RIT2: variants seen among roughly 807,000 people sequenced by gnomAD.
RIT2 encodes GTP-binding protein Rit2.
Under a neutral mutation model 23.7 loss-of-function variants are expected in RIT2, and 24 were observed. The ratio of observed to expected loss-of-function variants is 1.01; its 90% CI spans 0.73 to 1.43. The LOEUF (loss-of-function observed/expected upper bound fraction) is 1.43. Among genes scored for constraint, RIT2 ranks in the 40% most tolerant of loss-of-function variants. The pLI is 0.00. For missense variants in RIT2, 236 were observed against 266.9 expected, an observed-to-expected ratio of 0.88 and a Z score of 0.81; for synonymous variants, 107 against 91.1, an observed-to-expected ratio of 1.17 and a Z score of -0.99.
At chr18:43,092,614 A>G (rs1486160642) in intron 1 of RIT2, among the ~76,000 whole-genome samples, 1 of 152,070 alleles carries the variant, frequency 6.6e-6, no homozygotes, top group Non-Finnish European at 1.5e-5. Context: ...ATCAAAAACC[A>G]ATGTGATTAC....
At chr18:43,113,694 C>G (rs1406066124) in intron 1 of RIT2, among the ~76,000 whole-genome samples, 2 of 152,108 alleles carry the variant, frequency 1.3e-5, no homozygotes, top group African/African-American at 4.8e-5. Flanking sequence ...CTCCAAGTTT[C>G]ATTTAGGTGG....
At chr18:43,100,039 T>C (rs1301674116) in intron 1 of RIT2, among the ~76,000 whole-genome samples, 1 of 152,134 alleles carries the variant, frequency 6.6e-6, no homozygotes, top group Non-Finnish European at 1.5e-5. Flanking sequence ...ACAGATATTC[T>C]AGTGTTGGGG....
At chr18:42,816,011 T>G (rs1181934851) in intron 4 of RIT2, among the ~76,000 whole-genome samples, 3 of 152,142 alleles carry the variant, frequency 2.0e-5, no homozygotes, top group Non-Finnish European at 4.4e-5. Flanking sequence ...ACAGAAAGCA[T>G]GACAGCATAG....
intron 4 of RIT2, among the ~76,000 whole-genome samples, chr18:42,832,125 A>G (rs1157361329): frequency 6.6e-6 from 1 of 152,198 alleles, no homozygotes; most frequent in Non-Finnish European, 1.5e-5. Context: ...AATTTTACAA[A>G]ATAGGCTGAA....
At chr18:42,849,752 A>T (rs1370060614) in intron 4 of RIT2, among the ~76,000 whole-genome samples, 1 of 152,170 alleles carries the variant, frequency 6.6e-6, no homozygotes, top group African/African-American at 2.4e-5. Context: ...AAACAGAACA[A>T]TAATGTATGA....
At chr18:43,049,477 T>C (rs1912326085) in intron 1 of RIT2, among the ~76,000 whole-genome samples, 1 of 152,150 alleles carries the variant, frequency 6.6e-6, no homozygotes, top group Non-Finnish European at 1.5e-5. Context: ...TGTTAAGTTT[T>C]AGGGACACAG....
chr18:42,958,860 A>T (rs1367844156), intron 3 of RIT2, among the ~76,000 whole-genome samples: 2 of 152,186 alleles, frequency 1.3e-5, no homozygotes, highest in East Asian at 3.9e-4. Flanking sequence ...ATGCTATTCC[A>T]GGGTGAACAT....
intron 4 of RIT2, among the ~76,000 whole-genome samples, chr18:42,915,906 G>A (rs1908897027): frequency 6.6e-6 from 1 of 151,442 alleles, no homozygotes; most frequent in Admixed American, 6.6e-5. Context: ...ATATACACAT[G>A]TATTATTATG....
chr18:43,105,498 A>AGAG (rs1568083831), intron 1 of RIT2, among the ~76,000 whole-genome samples: 8 of 52,206 alleles, frequency 1.5e-4, no homozygotes, highest in African/African-American at 4.5e-4. Flanking sequence ...GGGAGGAAGA[A>AGAG]AGGGAGGGAG....
At chr18:42,768,323 T>C (rs948327936) in intron 4 of RIT2, among the ~76,000 whole-genome samples, 2 of 152,078 alleles carry the variant, frequency 1.3e-5, no homozygotes, top group African/African-American at 2.4e-5. Flanking sequence ...AGCCAAGCAA[T>C]AAATTTCCCT....
chr18:42,837,153 CTTTTTTTTTTTTTTTTTTTT>C (rs570701535), intron 4 of RIT2, among the ~76,000 whole-genome samples: 1 of 51,702 alleles, frequency 1.9e-5, no homozygotes, highest in African/African-American at 6.5e-5. Flanking sequence ...TTTTCTTTTT[CTTTTTTTTTTTTTTTTTTTT>C]TTTTTTTTTT....
chr18:42,783,972 C>G (rs480519), intron 4 of RIT2, among the ~76,000 whole-genome samples: 2 of 151,974 alleles, frequency 1.3e-5, no homozygotes. Context: ...CTCAGCACTC[C>G]TGTACTTCTA....
At chr18:42,965,711 C>CTGTTTTTT (rs1731885941) in intron 3 of RIT2, among the ~76,000 whole-genome samples, 1 of 37,770 alleles carries the variant, frequency 2.6e-5, no homozygotes, top group Non-Finnish European at 5.3e-5. Context: ...GTACTGATGG[C>CTGTTTTTT]TTTTTTTTTT....
At chr18:42,876,566 C>G (rs995292270) in intron 4 of RIT2, among the ~76,000 whole-genome samples, 2 of 151,608 alleles carry the variant, frequency 1.3e-5, no homozygotes, top group African/African-American at 4.8e-5. Context: ...AAAATAAAAG[C>G]AAAAACCATG....
intron 2 of RIT2, among the ~76,000 whole-genome samples, chr18:42,990,567 T>C (rs1376557863): frequency 2.6e-5 from 4 of 152,192 alleles, no homozygotes; most frequent in African/African-American, 9.6e-5. Context: ...ATGTTTTAAT[T>C]TTGTTGTAAT....
At chr18:42,745,284 GA>G (rs751425241) in intron 4 of RIT2, among the ~76,000 whole-genome samples, 4 of 151,644 alleles carry the variant, frequency 2.6e-5, no homozygotes, top group Admixed American at 6.6e-5. Context: ...GCATAACTAA[GA>G]AAAAAAACCT....
chr18:42,886,316 T>A (rs994494043), intron 4 of RIT2, among the ~76,000 whole-genome samples: 1 of 152,094 alleles, frequency 6.6e-6, no homozygotes, highest in Non-Finnish European at 1.5e-5. Flanking sequence ...AATAACAATA[T>A]AAATGAGCAT....
chr18:42,894,425 A>G (rs776592614), intron 4 of RIT2, among the ~76,000 whole-genome samples: 1 of 152,048 alleles, frequency 6.6e-6, no homozygotes, highest in Non-Finnish European at 1.5e-5. Flanking sequence ...AAGCTCACTA[A>G]TTCCTGGATG....
chr18:42,965,936 C>A (rs907643851), intron 3 of RIT2, among the ~76,000 whole-genome samples: 1 of 151,786 alleles, frequency 6.6e-6, no homozygotes, highest in Admixed American at 6.6e-5. Context: ...ATAGCCACAT[C>A]ACTGTAGGAT....
Sources: allele counts gnomAD v4.1 joint callset (sites outside exome capture counted in the v4.1 genomes callset), GRCh38; gene constraint gnomAD v4.1.1; transcripts MANE v1.5; gene names NCBI Gene and HGNC (gene_info 2026-07-23, HGNC 2026-07-21).